LSAMP: variants seen among roughly 807,000 people sequenced by gnomAD.
The protein encoded by LSAMP is limbic system associated membrane protein.
In LSAMP, 7 loss-of-function variants were observed where a neutral mutation model predicts 38.6. That is an observed-to-expected ratio of 0.18 (90% CI 0.10 to 0.34). LSAMP has a LOEUF of 0.34. LSAMP is among the 10% of genes least tolerant of loss of function. The pLI, the probability that LSAMP is intolerant of heterozygous loss-of-function variation, is 1.00. For synonymous variants in LSAMP, 154 were observed against 166.8 expected, an observed-to-expected ratio of 0.92 and a Z score of 0.59; for missense variants, 313 against 420.0, an observed-to-expected ratio of 0.75 and a Z score of 2.23.
intron 3 of LSAMP, among the ~76,000 whole-genome samples, chr3:115,860,797 T>C (rs1474797278): frequency 4.6e-5 from 7 of 152,082 alleles, no homozygotes; most frequent in African/African-American, 1.7e-4. Context: ...TTCAGGAACT[T>C]AAGAAATGCA....
Position 115,951,474 on chromosome 3 carries a change from C to T in LSAMP, c.514+68041G>A, listed in dbSNP as rs372315021. 7.9e-5 allele frequency among the ~76,000 whole-genome samples: 12 copies of T among 152,122 alleles called. No homozygotes were observed. In the East Asian group the frequency reaches 9.7e-4, roughly 12 times the overall value. On this transcript the variant is annotated intron_variant, in intron 3 of 6. Transcript: ENST00000490035. ...AGTGGGTGTGATGGTTAATATTTAGCGTCAACTTGATTGGATTGAAGGATG... is the reference window on the plus strand; with the variant it reads ...AGTGGGTGTGATGGTTAATATTTAGTGTCAACTTGATTGGATTGAAGGATG...
At chr3:116,276,150 TAAA>T (rs2047049523) in intron 1 of LSAMP, among the ~76,000 whole-genome samples, 1 of 152,092 alleles carries the variant, frequency 6.6e-6, no homozygotes, top group African/African-American at 2.4e-5. Context: ...CTTTAATACA[TAAA>T]AAAATCTTGT....
intron 3 of LSAMP, among the ~76,000 whole-genome samples, chr3:115,968,539 A>G (rs377631251): frequency 1.3e-5 from 2 of 152,178 alleles, no homozygotes; most frequent in African/African-American, 2.4e-5. Context: ...CTGATATTCT[A>G]TCCTACTGTG....
intron 3 of LSAMP, among the ~76,000 whole-genome samples, chr3:115,937,650 G>GAA (rs60829726): frequency 0.078 from 11,405 of 145,706 alleles, 528 homozygotes; most frequent in Non-Finnish European, 0.1. Flanking sequence ...AATAAGAAAA[G>GAA]AAAAAAAAAA....
intron 3 of LSAMP, among the ~76,000 whole-genome samples, chr3:115,862,064 GT>G (rs1051772335): frequency 5.3e-5 from 8 of 152,242 alleles, no homozygotes; most frequent in African/African-American, 1.9e-4. Flanking sequence ...GATGTTAATT[GT>G]TTTTTAGACT....
intron 1 of LSAMP, among the ~76,000 whole-genome samples, chr3:116,300,673 TCTAA>T (rs1288259086): frequency 2.6e-5 from 4 of 152,166 alleles, no homozygotes; most frequent in South Asian, 2.1e-4. Context: ...GATCTGAGAC[TCTAA>T]CTAATACTTG....
At chr3:116,318,155 A>AAAT (rs1491229712) in intron 1 of LSAMP, among the ~76,000 whole-genome samples, 1 of 148,604 alleles carries the variant, frequency 6.7e-6, no homozygotes, top group African/African-American at 2.4e-5. Context: ...AAAAAAAAAA[A>AAAT]TTTTAGTAAT....
intron 3 of LSAMP, among the ~76,000 whole-genome samples, chr3:115,957,623 G>A (rs1938493522): frequency 1.3e-5 from 2 of 152,140 alleles, no homozygotes; most frequent in Non-Finnish European, 2.9e-5. Context: ...AAGGAGCTAG[G>A]AAATTTGTAT....
intron 3 of LSAMP, among the ~76,000 whole-genome samples, chr3:115,891,807 T>C (rs1471838985): frequency 6.6e-6 from 1 of 151,904 alleles, no homozygotes; most frequent in Non-Finnish European, 1.5e-5. Flanking sequence ...CCATCACACT[T>C]CTCCTGGTAG....
At chr3:116,067,662 A>C (rs1707492898) in intron 2 of LSAMP, among the ~76,000 whole-genome samples, 1 of 152,136 alleles carries the variant, frequency 6.6e-6, no homozygotes, top group Non-Finnish European at 1.5e-5. Flanking sequence ...TCCCCTTTTT[A>C]ACTCCGTTAA....
chr3:116,351,268 T>C (rs2048135684), intron 1 of LSAMP, among the ~76,000 whole-genome samples: 1 of 152,044 alleles, frequency 6.6e-6, no homozygotes, highest in Non-Finnish European at 1.5e-5. Context: ...TTTAAATTTC[T>C]CTTTGTTTAT....
chr3:116,026,935 T>C (rs1012067782), intron 2 of LSAMP, among the ~76,000 whole-genome samples: 4 of 152,144 alleles, frequency 2.6e-5, no homozygotes, highest in African/African-American at 9.7e-5. Flanking sequence ...AAGAACATAC[T>C]CAGCTGAGCC....
intron 6 of LSAMP, among the ~76,000 whole-genome samples, chr3:115,836,565 G>T (rs1401317546): frequency 6.6e-6 from 1 of 152,150 alleles, no homozygotes; most frequent in Non-Finnish European, 1.5e-5. Flanking sequence ...AGAACTATAA[G>T]GTTGGCCCTA....
chr3:116,141,034 C>T (rs762828898), intron 1 of LSAMP, among the ~76,000 whole-genome samples: 3 of 151,828 alleles, frequency 2.0e-5, no homozygotes, highest in Non-Finnish European at 4.4e-5. Context: ...ACTAAGGCAT[C>T]CTTGTATCTA....
chr3:115,960,321 G>C (rs777155044), intron 3 of LSAMP, among the ~76,000 whole-genome samples: 1 of 152,170 alleles, frequency 6.6e-6, no homozygotes, highest in Non-Finnish European at 1.5e-5. Context: ...AGCAGAGTTA[G>C]CTTCCAGAAA....
In LSAMP at chr3:116,400,422, C is replaced by CCCTA. The variant is rs1217260079; in HGVS notation, c.155+44454_155+44455insTAGG. Among the ~76,000 whole-genome samples, 23 of 136,924 alleles carry CCCTA rather than the reference C, an allele frequency of 1.7e-4. 1 individual carries two copies. The highest frequency in any genetic ancestry group is 5.9e-4 in the African/African-American group (22 of 37,174). 89.8% of individuals were successfully genotyped at this position (136,924 alleles called of 152,430 possible). On this transcript the variant is annotated intron_variant, in intron 1 of 6. Transcript: ENST00000490035. ...TCTCTCTCTCCTTCTTTCCCTCCTT[C>CCCTA]CCTCCCTCCCTCCCTCCTTCCTTCC...
chr3:116,420,423 A>T (rs2049106730), intron 1 of LSAMP, among the ~76,000 whole-genome samples: 1 of 152,090 alleles, frequency 6.6e-6, no homozygotes. Context: ...AGAGTAGATA[A>T]TCAAAAGACT....
In LSAMP at chr3:116,398,849, A is replaced by G. The variant is rs192817311; in HGVS notation, c.155+46028T>C. The stretch of plus-strand genomic sequence containing the variant: ...TCTTGTGAGGCAGAAACATGACAAT[A>G]TAAATGAATCCAATAAGAATCCAAT... On this transcript the variant is annotated intron_variant, in intron 1 of 6. Coordinates refer to ENST00000490035, the MANE Select transcript of LSAMP (RefSeq NM_002338.5). 1.8e-3 allele frequency among the ~76,000 whole-genome samples: 278 copies of G among 152,364 alleles called. 1 individual carries two copies. The highest frequency in any genetic ancestry group is 6.2e-3 in the Admixed American group (95 of 15,302).
chr3:116,291,061 C>A lies in LSAMP; in HGVS notation c.155+153816G>T, dbSNP rs72948000. On this transcript the variant is annotated intron_variant, in intron 1 of 6. Coordinates refer to ENST00000490035, the MANE Select transcript of LSAMP (RefSeq NM_002338.5). ...CGCAATGGTTGCAAAAGACACCAGT[C>A]AAATTATCATGTTTATGTCTTTTCT... Among the ~76,000 whole-genome samples the A allele has an allele frequency of 1.6e-3, 236 of 152,242 alleles. 1 individual carries two copies. The highest frequency in any genetic ancestry group is 5.4e-3 in the African/African-American group (225 of 41,550).
Sources: gnomAD v4.1 joint callset for allele counts (sites outside exome capture counted in the v4.1 genomes callset) on GRCh38, gnomAD v4.1.1 for gene constraint, MANE v1.5 for transcripts, NCBI Gene and HGNC (gene_info 2026-07-23, HGNC 2026-07-21) for gene names.